CACNA1H: variants seen among roughly 807,000 people sequenced by gnomAD.
The protein encoded by CACNA1H is calcium voltage-gated channel subunit alpha1 H, also known as voltage-dependent T-type calcium channel subunit alpha-1H.
CACNA1H carries 149 observed loss-of-function variants against 192.5 expected under a neutral mutation model. The ratio of observed to expected loss-of-function variants is 0.77; its 90% CI spans 0.68 to 0.89. The LOEUF is 0.89. Among genes scored for constraint, CACNA1H ranks in the 40% least tolerant of loss-of-function variants. The pLI, the probability that CACNA1H is intolerant of heterozygous loss-of-function variation, is 0.00. For synonymous variants in CACNA1H, 2,202 were observed against 1,475.2 expected (o/e 1.49, Z -11.29); for missense variants, 4,257 against 3,423.5 (o/e 1.24, Z -6.08).
At chr16:1,158,910 G>A (rs1040836152) in intron 2 of CACNA1H, among the ~76,000 whole-genome samples, 11 of 151,534 alleles carry the variant, frequency 7.3e-5, no homozygotes, top group South Asian at 2.1e-4. Flanking sequence ...CCCTGGCCCC[G>A]CAGAGCCCCC....
At chr16:1,175,090 C>A (rs911053680) in intron 2 of CACNA1H, among the ~76,000 whole-genome samples, 2 of 152,164 alleles carry the variant, frequency 1.3e-5, no homozygotes, top group Non-Finnish European at 2.9e-5. Flanking sequence ...TCCACAGGCC[C>A]GCGTGATGTG....
At chr16:1,186,271 C>T (rs535076609) in intron 2 of CACNA1H, among the ~76,000 whole-genome samples, 2 of 152,040 alleles carry the variant, frequency 1.3e-5, no homozygotes, top group South Asian at 2.1e-4. Context: ...AATAAGAATG[C>T]GCGGCTCCCT....
At chr16:1,190,382 C>T (rs1966495553) in intron 2 of CACNA1H, among the ~76,000 whole-genome samples, 1 of 152,264 alleles carries the variant, frequency 6.6e-6, no homozygotes, top group Non-Finnish European at 1.5e-5. Flanking sequence ...GCAGACACTG[C>T]CTGTCCTCAG....
At chr16:1,212,692 G>A (rs916727330) in intron 26 of CACNA1H, among the ~76,000 whole-genome samples, 164 bp downstream of exon 26, 15 of 152,170 alleles carry the variant, frequency 9.9e-5, no homozygotes, top group African/African-American at 2.4e-4. Flanking sequence ...GCCAGTGTCC[G>A]GGCTGCTGTG....
chr16:1,212,428 CG>C, intron 25 of CACNA1H, 82 bp from the exon 26 acceptor site: 1 of 1,404,686 alleles, frequency 7.1e-7, no homozygotes, highest in Non-Finnish European at 9.9e-7. Flanking sequence ...CCCCGAGACA[CG>C]GGGGCTGAGG....
chr16:1,203,199 G>A (rs1398707718), intron 9 of CACNA1H, among the ~76,000 whole-genome samples: 1 of 152,212 alleles, frequency 6.6e-6, no homozygotes, highest in African/African-American at 2.4e-5. Context: ...CCCTTGAATT[G>A]TGGGAGTCCA....
intron 2 of CACNA1H, among the ~76,000 whole-genome samples, chr16:1,184,012 C>T (rs1266032758): frequency 2.0e-5 from 3 of 152,204 alleles, no homozygotes; most frequent in Non-Finnish European, 4.4e-5. Flanking sequence ...CATCGGATGC[C>T]AGGGACAGAA....
rs545920553 is a variant in CACNA1H at position 1,162,880 on chromosome 16, G to A, written c.299+8844G>A. On this transcript the variant is annotated intron_variant, in intron 2 of 34. Transcript: ENST00000348261. The stretch of plus-strand genomic sequence containing the variant: ...GGCTGGAAACAGCTGTGGTCAGGTG[G>A]GCGAGCAGAGGTCAGTGGCCCCAGG... Among the ~76,000 whole-genome samples, 10 of 152,324 alleles carry A rather than the reference G, an allele frequency of 6.6e-5. No individual in the cohort carries two copies. In the South Asian group the frequency reaches 2.1e-3, roughly 32 times the overall value.
chr16:1,207,835 C>G lies in CACNA1H; in HGVS notation c.3129C>G (p.His1043Gln), dbSNP rs373463420. ...CGGTCCACTTCGAGGAGGACTTCCA[C>G]AAGCTCAGAGAACTCCAGACCACAG... is the stretch of plus-strand genomic sequence containing the variant. ...KTSVHFEEDF[H>Q]KLRELQTTEL... The change falls in exon 15 of 35, where the codon CAC becomes CAG. Residue 1043 changes from histidine to glutamine, a missense_variant. Physicochemically the swap from His to Gln is conservative, Grantham distance 24. Transcript: ENST00000348261. 3.2e-5 allele frequency: 51 copies of G among 1,599,390 alleles called. No individual in the cohort carries two copies. Among genetic ancestry groups the G allele is most frequent in the Non-Finnish European group, 4.3e-5 (50 of 1,173,390 alleles).
rs777588639 is a variant in CACNA1H, at chr16:1,212,050, C to A, written c.4671C>A (p.Asn1557Lys). ...TGTTCGTGGGCGTCGTGGTCGAGAACTTCCACAAGTGCCGGCAGCACCAGG... is the reference window on the plus strand; with the variant it reads ...TGTTCGTGGGCGTCGTGGTCGAGAAATTCCACAAGTGCCGGCAGCACCAGG... The part of the protein sequence containing the change: ...LNMFVGVVVE[N>K]FHKCRQHQEA... The change falls in exon 25 of 35, where the codon AAC (asparagine) becomes AAA (lysine). Residue 1557 changes from asparagine (N) to lysine (K), a missense_variant. Asn to Lys is a moderately conservative substitution (Grantham distance 94). Transcript: ENST00000348261. 2 of 1,613,320 alleles carry A rather than the reference C, an allele frequency of 1.2e-6. No individual in the cohort carries two copies.
chr16:1,210,826 C>T lies in CACNA1H; in HGVS notation c.4078C>T (p.Leu1360=). Residue 1360 remains leucine, a synonymous_variant, in exon 21 of 35, where the codon CTG becomes TTG. Transcript: ENST00000348261. ...LGLLSGEHAY[L]QSSWNLLDGL... ...GCTGCTGTCCGGCGAGCACGCCTAC[C>T]TGCAGAGCAGCTGGAACCTGCTGGA... 6.2e-7 allele frequency: 1 copy of T among 1,603,866 alleles called. No individual in the cohort carries two copies. The highest frequency in any genetic ancestry group is 8.5e-7 in the Non-Finnish European group (1 of 1,179,730).
chr16:1,168,078 G>T (rs976408713), intron 2 of CACNA1H, among the ~76,000 whole-genome samples: 2 of 152,168 alleles, frequency 1.3e-5, no homozygotes, highest in African/African-American at 4.8e-5. Flanking sequence ...GATGTTTTCG[G>T]AAGGGGTGCC....
At chr16:1,193,697 G>A (rs994983321) in intron 2 of CACNA1H, among the ~76,000 whole-genome samples, 1 of 152,230 alleles carries the variant, frequency 6.6e-6, no homozygotes, top group Non-Finnish European at 1.5e-5. Context: ...CCGCACTCTT[G>A]GTGGGAATAT....
At chr16:1,197,059 C>A (rs1263081356) in intron 5 of CACNA1H, among the ~76,000 whole-genome samples, 36 of 152,196 alleles carry the variant, frequency 2.4e-4, no homozygotes, top group Non-Finnish European at 1.5e-5. Context: ...CAAGGCTAGG[C>A]ACTCCTTCCC....
chr16:1,206,785 C>G (rs962827673), intron 12 of CACNA1H: 25 of 543,320 alleles, frequency 4.6e-5, no homozygotes, highest in Non-Finnish European at 6.6e-5. Context: ...TCTTGGTTCT[C>G]TCGCCTGTGG....
rs765701309 is a variant in CACNA1H, at chr16:1,200,531, A to T, written c.1079A>T (p.Asn360Ile). The change falls in exon 7 of 35, where the codon AAC becomes ATC. Residue 360 changes from asparagine (N) to isoleucine (I), a missense_variant. Transcript: ENST00000348261. ...TCCAACCCCCACAACGGTGCCATCA[A>T]CTTCGACAACATCGGCTACGCCTGG... ...GDSNPHNGAI[N>I]FDNIGYAWIA... is the part of the protein sequence containing the mutation. 1 of 1,612,180 alleles carries T rather than the reference A, an allele frequency of 6.2e-7. No individual in the cohort carries two copies. The highest frequency in any genetic ancestry group is 8.5e-7 in the Non-Finnish European group (1 of 1,179,710).
At chr16:1,162,484 C>T (rs1465863605) in intron 2 of CACNA1H, among the ~76,000 whole-genome samples, 2 of 152,214 alleles carry the variant, frequency 1.3e-5, no homozygotes, top group Non-Finnish European at 2.9e-5. Flanking sequence ...TTGTCAGGCT[C>T]CTCCGATGAG....
intron 2 of CACNA1H, among the ~76,000 whole-genome samples, chr16:1,154,871 G>A (rs1353032758): frequency 6.6e-6 from 1 of 152,144 alleles, no homozygotes; most frequent in African/African-American, 2.4e-5. Flanking sequence ...TTGGGGGCGG[G>A]TCTCCGCGTG....
chr16:1,205,987 T>C (rs1008389957), intron 11 of CACNA1H, 117 bp from the exon 12 acceptor site: 2 of 914,798 alleles, frequency 2.2e-6, no homozygotes, highest in Admixed American at 5.6e-5. Context: ...CTCTCCCATC[T>C]GTGGGATGCA....
Sources: gnomAD v4.1 joint callset for allele counts (sites outside exome capture counted in the v4.1 genomes callset) on GRCh38, gnomAD v4.1.1 for gene constraint, MANE v1.5 for transcripts, NCBI Gene and HGNC (gene_info 2026-07-23, HGNC 2026-07-21) for gene names.